GPC5: variants seen among roughly 807,000 people sequenced by gnomAD.
GPC5 encodes glypican-5.
Under a neutral mutation model 53.9 loss-of-function variants are expected in GPC5, and 47 were observed. That is an observed-to-expected ratio of 0.87 (90% confidence interval 0.69 to 1.11). GPC5 has a LOEUF of 1.11. GPC5 is among the 50% of genes most tolerant of loss of function. The probability of loss-of-function intolerance (pLI) is 0.00; values close to 1 mark genes in which losing one functional copy is unlikely to be tolerated. For synonymous variants in GPC5, 286 were observed against 263.3 expected (o/e 1.09, Z -0.84); for missense variants, 748 against 713.1 (o/e 1.05, Z -0.56).
intron 7 of GPC5, among the ~76,000 whole-genome samples, chr13:92,527,120 G>C (rs926905316): frequency 1.3e-5 from 1 of 76,716 alleles, no homozygotes; most frequent in Non-Finnish European, 2.7e-5. Context: ...AAGAAAGAAA[G>C]AAAGAAAGAA....
At chr13:92,138,043 A>G (rs2041798808) in intron 6 of GPC5, among the ~76,000 whole-genome samples, 1 of 152,128 alleles carries the variant, frequency 6.6e-6, no homozygotes. Flanking sequence ...GAACTCTTCT[A>G]CTTTCCACTC....
chr13:91,485,380 T>A (rs973986239), intron 2 of GPC5, among the ~76,000 whole-genome samples: 7 of 151,856 alleles, frequency 4.6e-5, no homozygotes, highest in African/African-American at 7.2e-5. Context: ...GCCCAGCTAA[T>A]TTTTTTTGTA....
chr13:92,589,507 T>C (rs1448688523), intron 7 of GPC5, among the ~76,000 whole-genome samples: 1 of 152,218 alleles, frequency 6.6e-6, no homozygotes, highest in Admixed American at 6.5e-5. Context: ...TGATTTCTTT[T>C]ATTTTAAAAT....
intron 3 of GPC5, among the ~76,000 whole-genome samples, chr13:91,718,988 A>G (rs975012850): frequency 1.1e-4 from 17 of 152,178 alleles, no homozygotes; most frequent in African/African-American, 3.9e-4. Flanking sequence ...AGAGGGCAAA[A>G]TGTATTTTAT....
intron 2 of GPC5, among the ~76,000 whole-genome samples, chr13:91,606,268 C>T (rs929569606): frequency 1.1e-4 from 17 of 150,812 alleles, no homozygotes; most frequent in Admixed American, 9.2e-4. Flanking sequence ...TATTGATTTG[C>T]GTATATTGAA....
intron 7 of GPC5, among the ~76,000 whole-genome samples, chr13:92,560,573 G>T (rs1164187603): frequency 6.6e-6 from 1 of 152,060 alleles, no homozygotes; most frequent in Non-Finnish European, 1.5e-5. Flanking sequence ...AGAACATAAT[G>T]GTTCTCCATA....
At chr13:92,633,852 C>A (rs886635748) in intron 7 of GPC5, among the ~76,000 whole-genome samples, 7 of 152,184 alleles carry the variant, frequency 4.6e-5, no homozygotes, top group African/African-American at 1.7e-4. Flanking sequence ...TAATGTTTAT[C>A]TGTCTTCATA....
chr13:91,761,823 T>C (rs1334813314), intron 5 of GPC5, among the ~76,000 whole-genome samples: 1 of 152,114 alleles, frequency 6.6e-6, no homozygotes, highest in African/African-American at 2.4e-5. Flanking sequence ...ACAACATTAA[T>C]TTTGCCATTG....
In GPC5 at chr13:92,277,271, G is replaced by C. The variant is rs115807008; in HGVS notation, c.1561+132282G>C. On this transcript the variant is annotated intron_variant, in intron 7 of 7. Coordinates refer to ENST00000377067, the MANE Select transcript of GPC5 (RefSeq NM_004466.6). ...TTTGAGAAGCAGAGAAGAAGGGAAA[G>C]TCTAAGATTGTGCTGAGGTTTCTGG... 4.2e-3 allele frequency among the ~76,000 whole-genome samples: 645 copies of C among 152,128 alleles called. 5 individuals are homozygous for C. Among genetic ancestry groups the C allele is most frequent in the African/African-American group, 0.015 (613 of 41,540 alleles).
chr13:91,612,655 C>A (rs996451379), intron 2 of GPC5, among the ~76,000 whole-genome samples: 1 of 152,102 alleles, frequency 6.6e-6, no homozygotes, highest in African/African-American at 2.4e-5. Flanking sequence ...TGAACACAAC[C>A]ACTCATCCTG....
rs1204299984 is a variant in GPC5 at position 92,372,253 on chromosome 13, C to T, written c.1561+227264C>T. On this transcript the variant is annotated intron_variant, in intron 7 of 7. Coordinates refer to ENST00000377067, the MANE Select transcript of GPC5 (RefSeq NM_004466.6). ...AATTTTTGGTAATTTGTTACAGCAG[C>T]AGTAGAATACTGTTACAGTGGCTTT... Among the ~76,000 whole-genome samples, 4 of 152,156 alleles carry T rather than the reference C, an allele frequency of 2.6e-5. No homozygotes were observed. The East Asian group carries it at 7.7e-4, about 29-fold the overall frequency.
At chr13:91,894,154 T>C (rs2039416937) in intron 5 of GPC5, among the ~76,000 whole-genome samples, 2 of 152,180 alleles carry the variant, frequency 1.3e-5, no homozygotes, top group South Asian at 4.1e-4. Context: ...GTCAGACAAA[T>C]GTAAATGTAC....
At chr13:91,415,685 A>G (rs1056348858) in intron 1 of GPC5, among the ~76,000 whole-genome samples, 1 of 150,214 alleles carries the variant, frequency 6.7e-6, no homozygotes. Context: ...TATATTGAAC[A>G]AAAGTTTTCA....
chr13:91,611,037 G>A (rs989109547), intron 2 of GPC5, among the ~76,000 whole-genome samples: 19 of 152,102 alleles, frequency 1.2e-4, no homozygotes, highest in Non-Finnish European at 1.2e-4. Context: ...AAATTGCCAG[G>A]GAGTCTGGAT....
At chr13:92,472,931 T>A (rs1255568074) in intron 7 of GPC5, among the ~76,000 whole-genome samples, 1 of 152,104 alleles carries the variant, frequency 6.6e-6, no homozygotes, top group Admixed American at 6.6e-5. Flanking sequence ...AATTGAATAG[T>A]ACCTTATTTA....
intron 5 of GPC5, among the ~76,000 whole-genome samples, chr13:91,869,941 A>G (rs1406828998): frequency 2.0e-5 from 3 of 152,124 alleles, no homozygotes; most frequent in Non-Finnish European, 4.4e-5. Flanking sequence ...CCATGATACA[A>G]TCACCTCCCA....
intron 7 of GPC5, among the ~76,000 whole-genome samples, chr13:92,502,198 C>T (rs1405122911): frequency 2.0e-5 from 3 of 151,870 alleles, no homozygotes; most frequent in African/African-American, 7.3e-5. Flanking sequence ...CACACACACA[C>T]ATGTCTGCAA....
intron 7 of GPC5, among the ~76,000 whole-genome samples, chr13:92,428,483 C>T (rs1053310432): frequency 2.0e-5 from 3 of 152,210 alleles, no homozygotes; most frequent in Non-Finnish European, 4.4e-5. Context: ...GTTACACTAA[C>T]AGTTCTCTTA....
At chr13:92,741,894 G>A (rs1005908194) in intron 7 of GPC5, among the ~76,000 whole-genome samples, 3 of 152,040 alleles carry the variant, frequency 2.0e-5, no homozygotes, top group Admixed American at 2.0e-4. Flanking sequence ...CTTCATCCAC[G>A]TCCCTACAAA....
Sources: allele counts gnomAD v4.1 joint callset (sites outside exome capture counted in the v4.1 genomes callset), GRCh38; gene constraint gnomAD v4.1.1; transcripts MANE v1.5; gene names NCBI Gene and HGNC (gene_info 2026-07-23, HGNC 2026-07-21).